CCSER1: variants seen among roughly 807,000 people sequenced by gnomAD.
The protein encoded by CCSER1 is serine-rich coiled-coil domain-containing protein 1.
Under a neutral mutation model 82.0 loss-of-function variants are expected in CCSER1, and 41 were observed. That is an observed-to-expected ratio of 0.50 (90% CI 0.39 to 0.65). The LOEUF is 0.65. Ranked by LOEUF, CCSER1 falls within the 30% of genes least tolerant of loss-of-function variation. The pLI, the probability that CCSER1 is intolerant of heterozygous loss-of-function variation, is 0.00. For missense variants in CCSER1, 1,119 were observed against 1,064.2 expected, an observed-to-expected ratio of 1.05 and a Z score of -0.72; for synonymous variants, 414 against 383.9, an observed-to-expected ratio of 1.08 and a Z score of -0.92.
Position 91,487,264 on chromosome 4 carries a change from T to C in CCSER1, c.2218-111308T>C, listed in dbSNP as rs116346031. On this transcript the variant is annotated intron_variant, in intron 10 of 10. Transcript: ENST00000509176. ...TTTTTTTGGTATTTTACGTTTAGAA[T>C]ACCTTCAACTTTGGGAAACATAAGT... Among the ~76,000 whole-genome samples the C allele has an allele frequency of 9.4e-3, 1,431 of 152,194 alleles. 23 individuals are homozygous for C. Among genetic ancestry groups the C allele is most frequent in the African/African-American group, 0.032 (1,335 of 41,560 alleles).
chr4:91,177,533 C>T (rs532071139), intron 10 of CCSER1, among the ~76,000 whole-genome samples: 91 of 152,248 alleles, frequency 6.0e-4, no homozygotes, highest in Non-Finnish European at 1.0e-3. Context: ...CAACTTCTTC[C>T]TGGTTTAGTC....
intron 10 of CCSER1, among the ~76,000 whole-genome samples, chr4:91,392,640 C>A (rs1751734919): frequency 6.6e-6 from 1 of 151,894 alleles, no homozygotes; most frequent in Non-Finnish European, 1.5e-5. Flanking sequence ...AGCTCATTTG[C>A]ACAGTTACTA....
At chr4:91,477,940 A>G (rs1434136270) in intron 10 of CCSER1, among the ~76,000 whole-genome samples, 1 of 151,896 alleles carries the variant, frequency 6.6e-6, no homozygotes, top group Non-Finnish European at 1.5e-5. Flanking sequence ...AAGCCCAGAT[A>G]GTAAATGACT....
chr4:90,201,106 C>T (rs1202083943), intron 1 of CCSER1, among the ~76,000 whole-genome samples: 1 of 152,156 alleles, frequency 6.6e-6, no homozygotes, highest in Non-Finnish European at 1.5e-5. Flanking sequence ...TCTTAGAGTG[C>T]ATGCTTCACA....
At chr4:91,253,721 A>G (rs1168482183) in intron 10 of CCSER1, among the ~76,000 whole-genome samples, 1 of 152,210 alleles carries the variant, frequency 6.6e-6, no homozygotes, top group East Asian at 1.9e-4. Context: ...ATAAAGAAAT[A>G]CACCTCATGG....
At chr4:91,386,203 TG>T (rs1265251079) in intron 10 of CCSER1, among the ~76,000 whole-genome samples, 1 of 151,688 alleles carries the variant, frequency 6.6e-6, no homozygotes, top group Non-Finnish European at 1.5e-5. Flanking sequence ...AAGGTAAGCC[TG>T]GAGAAACTTT....
rs1753788468 is a variant in CCSER1 at position 90,781,559 on chromosome 4, A to T, written c.2011-34203A>T. 4 of 978,552 alleles carry T rather than the reference A, an allele frequency of 4.1e-6. No individual in the cohort carries two copies. The African/African-American group carries it at 7.0e-5, about 17-fold the overall frequency. 60.6% of individuals were successfully genotyped at this position (978,552 alleles called of 1,614,324 possible). A position where few individuals can be genotyped will look rare whatever the true frequency, so the allele number is the denominator to read the frequency against. On this transcript the variant is annotated intron_variant, in intron 7 of 10. Coordinates refer to ENST00000509176, the MANE Select transcript of CCSER1 (RefSeq NM_001145065.2). ...TTTTTTTTGATAAAATATGAAATAC[A>T]TAAATGAGTTAAATTGTTGTGACTT...
chr4:91,262,526 G>A (rs1236885293), intron 10 of CCSER1, among the ~76,000 whole-genome samples: 1 of 151,884 alleles, frequency 6.6e-6, no homozygotes, highest in Non-Finnish European at 1.5e-5. Context: ...ACAAATAAAT[G>A]AATAAGTATG....
At chr4:91,315,150 AGTGTGTGTGTGT>A (rs67135461) in intron 10 of CCSER1, among the ~76,000 whole-genome samples, 15 of 149,680 alleles carry the variant, frequency 1.0e-4, no homozygotes, top group Admixed American at 2.7e-4. Context: ...CGTGTGTGCA[AGTGTGTGTGTGT>A]GTGTGTGTGT....
chr4:91,274,012 C>T (rs1742233060), intron 10 of CCSER1, among the ~76,000 whole-genome samples: 1 of 152,064 alleles, frequency 6.6e-6, no homozygotes, highest in Non-Finnish European at 1.5e-5. Flanking sequence ...GTTAACTCTC[C>T]TTTATTTTTA....
chr4:90,553,804 A>G (rs1481417367), intron 5 of CCSER1, among the ~76,000 whole-genome samples: 1 of 152,204 alleles, frequency 6.6e-6, no homozygotes, highest in Non-Finnish European at 1.5e-5. Flanking sequence ...GAGTTCAACT[A>G]CTTATTAATT....
chr4:90,436,224 A>C (rs1758977258), intron 4 of CCSER1, among the ~76,000 whole-genome samples: 2 of 152,188 alleles, frequency 1.3e-5, no homozygotes, highest in South Asian at 4.1e-4. Flanking sequence ...GTGAGAGATC[A>C]TGTCTTGATT....
chr4:90,230,744 AAG>A (rs1428652574), intron 1 of CCSER1, among the ~76,000 whole-genome samples: 1 of 151,714 alleles, frequency 6.6e-6, no homozygotes, highest in Admixed American at 6.6e-5. Context: ...TAAAGAAAAA[AAG>A]AGAGAAGAAT....
chr4:91,287,609 T>C (rs1364547025), intron 10 of CCSER1, among the ~76,000 whole-genome samples: 2 of 152,016 alleles, frequency 1.3e-5, no homozygotes, highest in Non-Finnish European at 2.9e-5. Flanking sequence ...CAATGCCTAC[T>C]TGACTGTGCA....
chr4:90,153,816 C>G (rs1399669680), intron 1 of CCSER1, among the ~76,000 whole-genome samples: 1 of 152,136 alleles, frequency 6.6e-6, no homozygotes, highest in Non-Finnish European at 1.5e-5. Context: ...CGAAAATTTT[C>G]TCCCATTTTG....
intron 8 of CCSER1, among the ~76,000 whole-genome samples, chr4:90,820,346 A>G (rs1759575609): frequency 6.6e-6 from 1 of 152,244 alleles, no homozygotes; most frequent in Non-Finnish European, 1.5e-5. Context: ...TTATAAAAAC[A>G]GAAATATATT....
intron 3 of CCSER1, among the ~76,000 whole-genome samples, chr4:90,313,769 A>C (rs918306354): frequency 1.3e-5 from 2 of 152,160 alleles, no homozygotes; most frequent in Admixed American, 1.3e-4. Context: ...CCTTGGGTCC[A>C]TGTGGCCTCA....
chr4:90,167,467 T>C (rs1730693213), intron 1 of CCSER1, among the ~76,000 whole-genome samples: 1 of 152,044 alleles, frequency 6.6e-6, no homozygotes, highest in South Asian at 2.1e-4. Context: ...ACAATTTTAT[T>C]TGTTTTATTA....
At chr4:91,508,709 A>C (rs1759665622) in intron 10 of CCSER1, among the ~76,000 whole-genome samples, 1 of 151,980 alleles carries the variant, frequency 6.6e-6, no homozygotes, top group African/African-American at 2.4e-5. Context: ...ATTTCAATGA[A>C]TTCACCAGTG....
Sources: allele counts gnomAD v4.1 joint callset (sites outside exome capture counted in the v4.1 genomes callset), GRCh38; gene constraint gnomAD v4.1.1; transcripts MANE v1.5; gene names NCBI Gene and HGNC (gene_info 2026-07-23, HGNC 2026-07-21).